Variants in ASPH observed in about 807,000 individuals in gnomAD.
ASPH encodes aspartyl/asparaginyl beta-hydroxylase.
A neutral mutation model predicts 118.4 loss-of-function variants in ASPH; 100 were observed. That is an observed-to-expected ratio of 0.84 (90% CI 0.72 to 1.00). The LOEUF (loss-of-function observed/expected upper bound fraction) is 1.00, where lower values mean the gene tolerates loss of function less well. Among genes scored for constraint, ASPH ranks in the 50% least tolerant of loss-of-function variants. The pLI is 0.00. For missense variants in ASPH, 920 were observed against 919.5 expected, an observed-to-expected ratio of 1.00 and a Z score of -0.01; for synonymous variants, 315 against 325.6, an observed-to-expected ratio of 0.97 and a Z score of 0.35.
intron 1 of ASPH, among the ~76,000 whole-genome samples, chr8:61,703,701 G>T (rs1183692949): frequency 1.3e-5 from 2 of 152,244 alleles, no homozygotes; most frequent in Middle Eastern, 3.4e-3. Flanking sequence ...CCCAAAGTTG[G>T]TCTACGGAGT....
At chr8:61,549,155 G>A (rs1824969853) in intron 20 of ASPH, among the ~76,000 whole-genome samples, 1 of 152,168 alleles carries the variant, frequency 6.6e-6, no homozygotes, top group Non-Finnish European at 1.5e-5. Context: ...GCATTTCATA[G>A]TAACTTGAAT....
At chr8:61,643,038 T>C in intron 9 of ASPH, 118 bp from the exon 10 acceptor site, 1 of 904,012 alleles carries the variant, frequency 1.1e-6, no homozygotes, top group Non-Finnish European at 1.6e-6. Context: ...CCTTCAAATA[T>C]TAATGTCTGC....
chr8:61,594,284 C>T (rs935992691), intron 14 of ASPH, among the ~76,000 whole-genome samples: 1 of 152,164 alleles, frequency 6.6e-6, no homozygotes, highest in African/African-American at 2.4e-5. Context: ...GAAAATATCA[C>T]CCGAATTTAT....
intron 22 of ASPH, among the ~76,000 whole-genome samples, chr8:61,525,307 C>T (rs1019610160): frequency 7.2e-5 from 11 of 152,076 alleles, no homozygotes; most frequent in African/African-American, 2.7e-4. Flanking sequence ...AAATGCTCCT[C>T]ATTTTAAAGA....
intron 14 of ASPH, among the ~76,000 whole-genome samples, chr8:61,609,128 C>CACTGAGCTCATGCCCTGCT (rs1265384645): frequency 3.9e-5 from 6 of 152,214 alleles, no homozygotes; most frequent in Non-Finnish European, 7.3e-5. Flanking sequence ...GCTCTCCTGG[C>CACTGAGCTCATGCCCTGCT]ACTGAGCTCA....
intron 21 of ASPH, among the ~76,000 whole-genome samples, chr8:61,544,424 A>C (rs1327810070): frequency 1.3e-5 from 2 of 152,238 alleles, no homozygotes; most frequent in Admixed American, 1.3e-4. Context: ...TTGAGGTTTC[A>C]TCAGGAACTG....
chr8:61,665,518 C>A, intron 3 of ASPH: 1 of 1,569,018 alleles, frequency 6.4e-7, no homozygotes, highest in Non-Finnish European at 8.7e-7. Flanking sequence ...CCTCTTTCTT[C>A]CCCTTTTTTC....
At chr8:61,682,543 G>T in intron 2 of ASPH, 1 of 1,465,018 alleles carries the variant, frequency 6.8e-7, no homozygotes, top group Non-Finnish European at 9.6e-7. Context: ...AATACTTAAA[G>T]TGTCCTCTTT....
intron 18 of ASPH, among the ~76,000 whole-genome samples, chr8:61,557,000 C>T (rs1426069747): frequency 6.6e-6 from 1 of 152,204 alleles, no homozygotes; most frequent in African/African-American, 2.4e-5. Flanking sequence ...TTGTCCTGAA[C>T]CTCATCGATT....
At chr8:61,524,568 A>G (rs1247638728) in intron 22 of ASPH, among the ~76,000 whole-genome samples, 3 of 152,202 alleles carry the variant, frequency 2.0e-5, no homozygotes, top group Non-Finnish European at 4.4e-5. Context: ...CAAAGATACT[A>G]AGAAAGTAAA....
intron 1 of ASPH, 142 bp downstream of exon 1, chr8:61,714,127 G>A (rs1029206605): frequency 8.1e-7 from 1 of 1,231,462 alleles, no homozygotes; most frequent in Non-Finnish European, 1.0e-6. Flanking sequence ...CCTCCGCCCC[G>A]CGCGCCTAAA....
At chr8:61,611,596 G>A (rs1847389460) in intron 14 of ASPH, among the ~76,000 whole-genome samples, 1 of 152,334 alleles carries the variant, frequency 6.6e-6, no homozygotes, top group East Asian at 1.9e-4. Context: ...GGAGATAAAA[G>A]TTCTACTGGC....
At chr8:61,695,323 A>G (rs1004822482) in intron 1 of ASPH, among the ~76,000 whole-genome samples, 19 of 152,348 alleles carry the variant, frequency 1.2e-4, no homozygotes, top group African/African-American at 4.3e-4. Flanking sequence ...GATAAAATAC[A>G]ACATCTTCCA....
At chr8:61,586,927 C>A (rs544789001) in intron 14 of ASPH, among the ~76,000 whole-genome samples, 1 of 152,140 alleles carries the variant, frequency 6.6e-6, no homozygotes, top group Non-Finnish European at 1.5e-5. Flanking sequence ...TCGTGCTGAG[C>A]GGAACTGCAA....
rs7838457 is a variant in ASPH, at chr8:61,567,408, A to G, written c.1150-90T>C. The G allele has an allele frequency of 2.1e-3, 2,852 of 1,369,516 alleles. 54 individuals are homozygous for G. The African/African-American group carries it at 0.036, about 17-fold the overall frequency. 84.8% of individuals were successfully genotyped at this position (1,369,516 alleles called of 1,614,324 possible). A position where few individuals can be genotyped will look rare whatever the true frequency, so the allele number is the denominator to read the frequency against. ...ATTCATAAAAAGTTAACTTTTGGACATGCTTTAAAAGAAATGTAAGACACG... is the reference window on the plus strand; with the variant it reads ...ATTCATAAAAAGTTAACTTTTGGACGTGCTTTAAAAGAAATGTAAGACACG... On this transcript the variant is annotated intron_variant, in intron 16 of 24. Coordinates refer to ENST00000379454, the MANE Select transcript of ASPH (RefSeq NM_004318.4).
intron 14 of ASPH, among the ~76,000 whole-genome samples, chr8:61,588,365 G>C (rs1425729157): frequency 1.3e-5 from 2 of 152,214 alleles, no homozygotes; most frequent in African/African-American, 4.8e-5. Context: ...GAAAACACTA[G>C]TGATGCATTT....
Position 61,622,028 on chromosome 8 carries a change from C to T in ASPH, c.935-3009G>A, listed in dbSNP as rs534841126. 1.1e-4 allele frequency among the ~76,000 whole-genome samples: 16 copies of T among 152,264 alleles called. 1 individual carries two copies. The highest frequency in any genetic ancestry group is 1.8e-4 in the Non-Finnish European group (12 of 68,022). The stretch of plus-strand genomic sequence containing the variant: ...TTGTCATGCAACCACTAAAGCAAAT[C>T]GCTTTGGTGGATTCAGATATACTGT... On this transcript the variant is annotated intron_variant, in intron 13 of 24. Transcript: ENST00000379454.
chr8:61,595,228 A>G (rs1842197755), intron 14 of ASPH, among the ~76,000 whole-genome samples: 1 of 152,208 alleles, frequency 6.6e-6, no homozygotes, highest in South Asian at 2.1e-4. Context: ...TGACAGGATG[A>G]CCACAAACTT....
intron 3 of ASPH, chr8:61,665,743 T>C: frequency 1.1e-6 from 1 of 896,104 alleles, no homozygotes; most frequent in Non-Finnish European, 1.6e-6. Flanking sequence ...TTACTTTAAT[T>C]CACTAGTCTT....
Sources: allele counts gnomAD v4.1 joint callset (sites outside exome capture counted in the v4.1 genomes callset), GRCh38; gene constraint gnomAD v4.1.1; transcripts MANE v1.5; gene names NCBI Gene and HGNC (gene_info 2026-07-23, HGNC 2026-07-21).